CEP83: variants seen among roughly 807,000 people sequenced by gnomAD.
CEP83 encodes the protein centrosomal protein of 83 kDa.
Under a neutral mutation model 101.9 loss-of-function variants are expected in CEP83, and 70 were observed. The ratio of observed to expected loss-of-function variants is 0.69; its 90% CI spans 0.57 to 0.84. CEP83 has a LOEUF of 0.84. Among genes scored for constraint, CEP83 ranks in the 40% least tolerant of loss-of-function variants. The pLI is 0.00. For missense variants in CEP83, 715 were observed against 787.2 expected (o/e 0.91, Z 1.10); for synonymous variants, 264 against 267.9 (o/e 0.99, Z 0.14).
the CEP83 span, among the ~76,000 whole-genome samples, chr12:94,293,235 G>A: frequency 6.6e-6 from 1 of 152,136 alleles, no homozygotes; most frequent in Non-Finnish European, 1.5e-5. Context: ...TTCTGATGAT[G>A]GATGTTTGAG....
chr12:94,294,631 G>A, the CEP83 span: 5 of 630,628 alleles, frequency 7.9e-6, no homozygotes, highest in East Asian at 1.2e-4. Flanking sequence ...TCACAAAGGT[G>A]AGATTGAGTT....
chr12:94,318,239 T>C (rs1363919758), intron 14 of CEP83, among the ~76,000 whole-genome samples: 4 of 152,202 alleles, frequency 2.6e-5, no homozygotes, highest in Non-Finnish European at 5.9e-5. Context: ...ACAGGAATGC[T>C]AGTGATTTTT....
chr12:94,378,573 C>T (rs2061671032), intron 7 of CEP83, among the ~76,000 whole-genome samples: 1 of 152,108 alleles, frequency 6.6e-6, no homozygotes, highest in Non-Finnish European at 1.5e-5. Flanking sequence ...TGACTTGACT[C>T]CCAAAGAATA....
Position 94,411,631 on chromosome 12 carries a change from C to G in CEP83, c.324+66G>C. 2.4e-6 allele frequency: 3 copies of G among 1,239,604 alleles called. No homozygotes were observed. In the South Asian group the frequency reaches 4.2e-5, roughly 17 times the overall value. The allele number at this position is 1,239,604 out of a possible 1,614,324, so 76.8% of individuals were successfully genotyped here. A position where few individuals can be genotyped will look rare whatever the true frequency, so the allele number is the denominator to read the frequency against. Reference sequence around the variant, plus strand: ...ACAGAAATTGCCATATTCACCAAAACTACTTACTTCCACTACGTATCTGAC... The same window carrying G: ...ACAGAAATTGCCATATTCACCAAAAGTACTTACTTCCACTACGTATCTGAC... On this transcript the variant is annotated intron_variant, in intron 4 of 16. Transcript: ENST00000397809.
chr12:94,288,079 T>G, the CEP83 span, among the ~76,000 whole-genome samples: 1 of 152,210 alleles, frequency 6.6e-6, no homozygotes, highest in African/African-American at 2.4e-5. Flanking sequence ...GATCCAGGCT[T>G]TCAGCCCATG....
At chr12:94,358,932 T>C (rs1342719414) in intron 11 of CEP83, among the ~76,000 whole-genome samples, 1 of 152,016 alleles carries the variant, frequency 6.6e-6, no homozygotes, top group Non-Finnish European at 1.5e-5. Context: ...AGCTGGAAGG[T>C]TGTGAGTTTA....
At chr12:94,421,069 C>A (rs1206361401) in intron 2 of CEP83, among the ~76,000 whole-genome samples, 1 of 151,936 alleles carries the variant, frequency 6.6e-6, no homozygotes, top group Admixed American at 6.5e-5. Flanking sequence ...TTGAGACATT[C>A]TCATTCTGTC....
chr12:94,406,568 T>C (rs2063547654), intron 4 of CEP83, among the ~76,000 whole-genome samples: 1 of 152,002 alleles, frequency 6.6e-6, no homozygotes, highest in Non-Finnish European at 1.5e-5. Context: ...GTACAGTTAT[T>C]GTAACTGAAT....
At chr12:94,267,242 G>A in the CEP83 span, among the ~76,000 whole-genome samples, 2 of 152,238 alleles carry the variant, frequency 1.3e-5, no homozygotes, top group Admixed American at 1.3e-4. Flanking sequence ...AGACAGGAAA[G>A]GAGAAGATGG....
intron 1 of CEP83, among the ~76,000 whole-genome samples, chr12:94,453,223 C>A (rs1193386106): frequency 1.3e-5 from 2 of 152,228 alleles, no homozygotes; most frequent in Non-Finnish European, 2.9e-5. Context: ...CTACACAACT[C>A]TCACTAGGAA....
intron 2 of CEP83, among the ~76,000 whole-genome samples, chr12:94,416,573 CAAAAAA>C (rs59339712): frequency 6.8e-6 from 1 of 147,966 alleles, no homozygotes; most frequent in Admixed American, 6.7e-5. Flanking sequence ...CACACACACA[CAAAAAA>C]AAAAAAACTG....
chr12:94,310,146 A>G (rs773492210), intron 15 of CEP83, 39 bp from the exon 16 acceptor site: 1 of 1,077,682 alleles, frequency 9.3e-7, no homozygotes, highest in Non-Finnish European at 1.3e-6. Flanking sequence ...ACATGGTTAT[A>G]CCCTATTGAA....
At chr12:94,355,233 C>A (rs183904984) in intron 11 of CEP83, among the ~76,000 whole-genome samples, 20 of 152,270 alleles carry the variant, frequency 1.3e-4, no homozygotes, top group African/African-American at 3.9e-4. Context: ...GTGGCTCACA[C>A]CTGTAATCTC....
chr12:94,451,465 AC>A (rs1176133654), intron 1 of CEP83, among the ~76,000 whole-genome samples: 141 of 118,108 alleles, frequency 1.2e-3, no homozygotes, highest in Non-Finnish European at 2.1e-3. Context: ...ACTCAGTAAG[AC>A]CAAAAAAAAA....
downstream of CEP83, among the ~76,000 whole-genome samples, chr12:94,302,720 A>G (rs976927445): frequency 6.6e-6 from 1 of 152,150 alleles, no homozygotes; most frequent in African/African-American, 2.4e-5. Flanking sequence ...CAGAATTATG[A>G]TTTCTGATTT....
At chr12:94,305,137 G>A (rs370268762), downstream of CEP83, 37 of 1,320,526 alleles carry the variant, frequency 2.8e-5, no homozygotes, top group Middle Eastern at 3.6e-4. Flanking sequence ...GAATTGTAAC[G>A]CTAAAACCAC....
chr12:94,304,115 T>G (rs148024432), downstream of CEP83: 8,079 of 1,048,100 alleles, frequency 7.7e-3, 51 homozygotes, highest in Non-Finnish European at 0.01. Flanking sequence ...GTTATAGCAT[T>G]CTGTCAGTTT....
In CEP83 at chr12:94,378,937, A is replaced by C; in HGVS notation, c.655T>G (p.Tyr219Asp). Residue 219 changes from tyrosine to aspartate, a missense_variant, in exon 7 of 17, where the codon TAT becomes GAT. Transcript: ENST00000397809. Reference protein sequence around the residue: ...RVEQLAREKVYLCQKLKGLEA... With the variant: ...RVEQLAREKVDLCQKLKGLEA... ...AAACCTTTTAATTTTTGACACAAATAGACTTTTTCTCGAGCAAGTTGTTCC... is the reference window on the plus strand; with the variant it reads ...AAACCTTTTAATTTTTGACACAAATCGACTTTTTCTCGAGCAAGTTGTTCC... The C allele has an allele frequency of 6.2e-7, 1 of 1,614,130 alleles. No individual in the cohort carries two copies.
intron 2 of CEP83, among the ~76,000 whole-genome samples, chr12:94,425,437 T>A (rs1164973589): frequency 1.3e-5 from 2 of 152,202 alleles, no homozygotes; most frequent in African/African-American, 2.4e-5. Context: ...CTTGTTATCC[T>A]ACACTTATAA....
Sources: gnomAD v4.1 joint callset for allele counts (sites outside exome capture counted in the v4.1 genomes callset) on GRCh38, gnomAD v4.1.1 for gene constraint, MANE v1.5 for transcripts, NCBI Gene and HGNC (gene_info 2026-07-23, HGNC 2026-07-21) for gene names.